PFAS: variants seen among roughly 807,000 people sequenced by gnomAD.
PFAS encodes the protein phosphoribosylformylglycinamidine synthase.
In PFAS, 97 loss-of-function variants were observed where a neutral mutation model predicts 140.6. The observed-to-expected ratio is 0.69, with a 90% CI of 0.59 to 0.82. The LOEUF (loss-of-function observed/expected upper bound fraction) is 0.82, where lower values mean the gene tolerates loss of function less well. PFAS is among the 40% of genes least tolerant of loss of function. The probability of loss-of-function intolerance (pLI) is 0.00; values close to 1 mark genes in which losing one functional copy is unlikely to be tolerated. For synonymous variants in PFAS, 679 were observed against 718.8 expected, an observed-to-expected ratio of 0.94 and a Z score of 0.88; for missense variants, 1,656 against 1,780.2, an observed-to-expected ratio of 0.93 and a Z score of 1.26.
intron 11 of PFAS, among the ~76,000 whole-genome samples, chr17:8,261,330 G>C (rs537725154): frequency 1.3e-5 from 2 of 150,954 alleles, no homozygotes; most frequent in Non-Finnish European, 3.0e-5. Flanking sequence ...TCCGCCTCCC[G>C]GGTTCAAGCA....
chr17:8,262,990 G>A lies in PFAS; in HGVS notation c.1407G>A (p.Val469=), dbSNP rs1989654434. 1 of 1,613,632 alleles carries A rather than the reference G, an allele frequency of 6.2e-7. No homozygotes were observed. Among genetic ancestry groups the A allele is most frequent in the Admixed American group, 1.7e-5 (1 of 59,990 alleles). Residue 469 remains valine (V), a synonymous_variant, in exon 12 of 28, where the codon GTG becomes GTA. Coordinates refer to ENST00000314666, the MANE Select transcript of PFAS (RefSeq NM_012393.3). ...IGVGGGAASS[V]QVQGDNTSDL... is the part of the protein sequence containing the mutation. ...TTGGAGGTGGAGCTGCTTCATCTGT[G>A]CAGGTGAGTGGGAATTGCTAAAGGT...
chr17:8,258,066 T>C lies in PFAS; in HGVS notation c.1208-5T>C. On this transcript the variant is annotated splice_region_variant and splice_polypyrimidine_tract_variant and intron_variant, in intron 10 of 27. Transcript: ENST00000314666. ...TGACAGGTCCCTCTGATGTTCACAC[T>C]CCAGGCTTCGCCCGCTCCTTGGGCC... 6.2e-7 allele frequency: 1 copy of C among 1,614,088 alleles called. No individual in the cohort carries two copies. The highest frequency in any genetic ancestry group is 8.5e-7 in the Non-Finnish European group (1 of 1,180,018).
chr17:8,265,720 A>G, intron 20 of PFAS, 81 bp downstream of exon 20: 2 of 1,393,040 alleles, frequency 1.4e-6, no homozygotes, highest in Middle Eastern at 1.8e-4. Flanking sequence ...CTGGGCCCCC[A>G]TCTCAACACT....
intron 1 of PFAS, among the ~76,000 whole-genome samples, chr17:8,251,315 T>C (rs1203646671): frequency 1.3e-5 from 2 of 152,088 alleles, no homozygotes; most frequent in Admixed American, 1.3e-4. Context: ...GGGGTCTTGC[T>C]CTGTCACCCA....
Position 8,255,618 on chromosome 17 carries a change from G to A in PFAS, c.501G>A (p.Pro167=), listed in dbSNP as rs141894811. The A allele has an allele frequency of 1.8e-5, 28 of 1,582,338 alleles. No homozygotes were observed. Among genetic ancestry groups the A allele is most frequent in the African/African-American group, 4.1e-5 (3 of 73,476 alleles). Residue 167 remains proline (P), a synonymous_variant, in exon 5 of 28, where the codon CCG becomes CCA. Coordinates refer to ENST00000314666, the MANE Select transcript of PFAS (RefSeq NM_012393.3). ...AGAGTTTCTCCCCTGAGAGCATGCC[G>A]GAACCCCTCAATGGCCCTATCAATA... ...PIQSFSPESM[P]EPLNGPINIL...
chr17:8,268,559 C>T lies in PFAS; in HGVS notation c.3409C>T (p.Pro1137Ser). The T allele has an allele frequency of 1.2e-6, 2 of 1,612,322 alleles. No homozygotes were observed. Among genetic ancestry groups the T allele is most frequent in the Non-Finnish European group, 1.7e-6 (2 of 1,179,868 alleles). Residue 1137 changes from proline (P) to serine (S), a missense_variant, in exon 27 of 28, where the codon CCC becomes TCC. By Grantham distance (74) the Pro-to-Ser change is moderately conservative. Around this residue, in one of 2 missense-constraint regions of PFAS, gnomAD observed 883 missense variants for 1,023.0 expected, o/e 0.86. Coordinates refer to ENST00000314666, the MANE Select transcript of PFAS (RefSeq NM_012393.3). ...GTGGGCAGCTGCTGTGACCTTTCAT[C>T]CCAGGGCTGGGGCTGAGCTGAGGCG... is the stretch of plus-strand genomic sequence containing the variant. ...KGWAAAVTFH[P>S]RAGAELRRFR... is the part of the protein sequence containing the mutation.
rs772401956 is a variant in PFAS at position 8,256,336 on chromosome 17, G to GT, written c.753dup (p.Glu252Ter). The GT allele has an allele frequency of 3.1e-6, 5 of 1,613,696 alleles. No homozygotes were observed. The highest frequency in any genetic ancestry group is 1.3e-5 in the African/African-American group (1 of 74,924). ...ATGGGCAGAAGCTGGTGCACTCACT[G>GT]TTTGAGTCCATCATGAGCACCCAGG... On this transcript the variant is annotated frameshift_variant, in exon 7 of 28. Transcript: ENST00000314666. LOFTEE classifies it high-confidence loss of function.
At chr17:8,257,062 G>A (rs1374625124) in intron 9 of PFAS, 99 bp downstream of exon 9, 16 of 1,338,066 alleles carry the variant, frequency 1.2e-5, no homozygotes, top group Non-Finnish European at 1.3e-5. Context: ...TATCCTGTGT[G>A]CCTTTTCTCA....
At position 8,255,559 on chromosome 17, in the gene PFAS, C is replaced by T. The variant is rs774937736; in HGVS notation, c.442C>T (p.Arg148Trp). 9.7e-6 allele frequency: 15 copies of T among 1,546,756 alleles called. No individual in the cohort carries two copies. Among genetic ancestry groups the T allele is most frequent in the East Asian group, 6.7e-5 (3 of 44,606 alleles). ...EAIALATLHD[R>W]MTEQHFPHPI... is the part of the protein sequence containing the mutation. ...CATTGCTCTGGCTACCCTGCACGAC[C>T]GGATGACAGAGCAGCACTTCCCCCA... The change falls in exon 5 of 28, where the codon CGG (arginine) becomes TGG (tryptophan). Residue 148 changes from arginine (R) to tryptophan (W), a missense_variant. Physicochemically the swap from Arg to Trp is moderately radical, Grantham distance 101 (BLOSUM62 -3). This residue lies in a region of PFAS where 773 missense variants were observed against 757.3 expected (regional missense o/e 1.02). Coordinates refer to ENST00000314666, the MANE Select transcript of PFAS (RefSeq NM_012393.3).
At position 8,266,488 on chromosome 17, in the gene PFAS, G is replaced by A. The variant is rs753204470; in HGVS notation, c.2821+135G>A. ...CTTCCCTGACTAGCTTTTCTGTGCT[G>A]TCTCTCTGACAGCTGAACTGGATGG... On this transcript the variant is annotated intron_variant, in intron 22 of 27. Transcript: ENST00000314666. The surrounding 1 kb of genome is among the most constrained non-coding windows in gnomAD (Gnocchi z 5.0). 5 of 1,496,052 alleles carry A rather than the reference G, an allele frequency of 3.3e-6. No individual in the cohort carries two copies. In the African/African-American group the frequency reaches 5.6e-5, roughly 17 times the overall value. 92.7% of individuals were successfully genotyped at this position (1,496,052 alleles called of 1,614,324 possible).
rs1387522997 is a variant in PFAS at position 8,257,870 on chromosome 17, A to T, written c.1139A>T (p.Glu380Val). The change falls in exon 10 of 28, where the codon GAG becomes GTG. Residue 380 changes from glutamate (E) to valine (V), a missense_variant. Physicochemically the swap from Glu to Val is moderately radical, Grantham distance 121. Transcript: ENST00000314666. Reference protein sequence around the residue: ...QYPGNFARPLEVAIEASNGAS... With the variant: ...QYPGNFARPLVVAIEASNGAS... ...CCTGGGAATTTTGCCCGGCCCCTGG[A>T]GGTTGCCATTGAAGCCAGTAATGGA... 1 of 1,614,088 alleles carries T rather than the reference A, an allele frequency of 6.2e-7. No homozygotes were observed. The highest frequency in any genetic ancestry group is 1.3e-5 in the African/African-American group (1 of 75,030).
chr17:8,261,762 C>T (rs1487019953), intron 11 of PFAS, among the ~76,000 whole-genome samples: 5 of 151,984 alleles, frequency 3.3e-5, no homozygotes, highest in African/African-American at 9.7e-5. Flanking sequence ...AAGCTCCGGC[C>T]ACCATGCCTG....
intron 11 of PFAS, 87 bp downstream of exon 11, chr17:8,258,286 A>G (rs1989456086): frequency 1.4e-6 from 2 of 1,432,094 alleles, no homozygotes; most frequent in Middle Eastern, 2.4e-4. Flanking sequence ...GGAACACTTC[A>G]GTGGTTAGTT....
chr17:8,267,128 CAG>C lies in PFAS; in HGVS notation c.3071_3072del (p.Glu1024AlafsTer33). The stretch of plus-strand genomic sequence containing the variant: ...AGTTTCCAGCTGGACCGGCTACAGG[CAG>C]AGCCTCGCTGTGTGGCAGAGGAGGA... On this transcript the variant is annotated frameshift_variant, in exon 24 of 28. Transcript: ENST00000314666. LOFTEE classifies it high-confidence loss of function. This position sits in a 1 kb window ranked among gnomAD's most constrained non-coding sequence, Gnocchi z 4.9. 3 of 1,612,888 alleles carry C rather than the reference CAG, an allele frequency of 1.9e-6. No individual in the cohort carries two copies. The highest frequency in any genetic ancestry group is 2.5e-6 in the Non-Finnish European group (3 of 1,179,564).
In PFAS at chr17:8,267,267, TG is replaced by T. The variant is rs1176067497; in HGVS notation, c.3175+37del. ...GAGTGTGTGCAGAGGCTCCGCGTCC[TG>T]GGGGCACTGAGCCTGGATGCCTGGG... On this transcript the variant is annotated intron_variant, in intron 24 of 27. Coordinates refer to ENST00000314666, the MANE Select transcript of PFAS (RefSeq NM_012393.3). The surrounding 1 kb of genome is among the most constrained non-coding windows in gnomAD (Gnocchi z 4.9). 1 of 1,586,798 alleles carries T rather than the reference TG, an allele frequency of 6.3e-7. No homozygotes were observed. The highest frequency in any genetic ancestry group is 1.7e-5 in the Admixed American group (1 of 59,714).
chr17:8,264,157 CCTT>C, intron 15 of PFAS, 52 bp from the exon 16 acceptor site: 1 of 1,603,200 alleles, frequency 6.2e-7, no homozygotes, highest in East Asian at 2.2e-5. Context: ...TAGGAACATT[CCTT>C]GCTGGTGTTC....
At chr17:8,268,083 C>A (rs563335823) in intron 26 of PFAS, among the ~76,000 whole-genome samples, 1,843 of 141,712 alleles carry the variant, frequency 0.013, 43 homozygotes, top group African/African-American at 0.045. Context: ...TTTTTTGAGA[C>A]GGAGTTTCAC....
Position 8,256,278 on chromosome 17 carries a change from G to A in PFAS, c.692G>A (p.Arg231Gln), listed in dbSNP as rs911697978. The A allele has an allele frequency of 1.2e-6, 2 of 1,613,860 alleles. No homozygotes were observed. Among genetic ancestry groups the A allele is most frequent in the Non-Finnish European group, 8.5e-7 (1 of 1,180,014 alleles). The change falls in exon 7 of 28, where the codon CGA becomes CAA. Residue 231 changes from arginine (R) to glutamine (Q), a missense_variant. By Grantham distance (43) the Arg-to-Gln change is conservative. This residue lies in a region of PFAS where 773 missense variants were observed against 757.3 expected (regional missense o/e 1.02). Coordinates refer to ENST00000314666, the MANE Select transcript of PFAS (RefSeq NM_012393.3). ...ATCGCCCCCTGCAGCGAGCACAGCC[G>A]ACACTGGTTCTTCAAGGGCCAGCTC... ...DLAQSNSEHS[R>Q]HWFFKGQLHV...
Position 8,269,154 on chromosome 17 carries a change from A to T in PFAS, c.3907A>T (p.Arg1303Trp). ...CATGCCTCACCCTGAGCGGGCCGTT[A>T]GGCCTTGGCAGTGGGCATGGCGACC... ...AVMPHPERAV[R>W]PWQWAWRPPP... The change falls in exon 28 of 28, where the codon AGG becomes TGG. Residue 1303 changes from arginine (R) to tryptophan (W), a missense_variant. Physicochemically the swap from Arg to Trp is moderately radical, Grantham distance 101 (BLOSUM62 -3). Coordinates refer to ENST00000314666, the MANE Select transcript of PFAS (RefSeq NM_012393.3). 1 of 1,613,812 alleles carries T rather than the reference A, an allele frequency of 6.2e-7. No homozygotes were observed. The highest frequency in any genetic ancestry group is 1.1e-5 in the South Asian group (1 of 91,088).
Sources: allele counts gnomAD v4.1 joint callset (sites outside exome capture counted in the v4.1 genomes callset), GRCh38; gene constraint gnomAD v4.1.1; regional missense constraint gnomAD v4.1.1; non-coding constraint Gnocchi (gnomAD v3.1); transcripts MANE v1.5; gene names NCBI Gene and HGNC (gene_info 2026-07-23, HGNC 2026-07-21).